Variants in MALRD1 observed in about 807,000 individuals in gnomAD.
The protein encoded by MALRD1 is MAM and LDL-receptor class A domain-containing protein 1.
MALRD1 carries 247 observed loss-of-function variants against 242.1 expected under a neutral mutation model. The ratio of observed to expected loss-of-function variants is 1.02; its 90% confidence interval spans 0.92 to 1.13. The LOEUF (loss-of-function observed/expected upper bound fraction) is 1.13, where lower values mean the gene tolerates loss of function less well. MALRD1 is among the 50% of genes most tolerant of loss of function. MALRD1 has a pLI of 0.00. For missense variants in MALRD1, 2,989 were observed against 2,533.1 expected (o/e 1.18, Z -3.86); for synonymous variants, 995 against 866.6 (o/e 1.15, Z -2.60).
chr10:19,445,155 A>G (rs1157064091), intron 28 of MALRD1, among the ~76,000 whole-genome samples: 1 of 152,116 alleles, frequency 6.6e-6, no homozygotes, highest in African/African-American at 2.4e-5. Flanking sequence ...TTTCAGCTCC[A>G]CCAGGTCATT....
chr10:19,546,236 A>T (rs952578180), intron 32 of MALRD1, among the ~76,000 whole-genome samples: 2 of 152,130 alleles, frequency 1.3e-5, no homozygotes, highest in Non-Finnish European at 2.9e-5. Context: ...CCTTCCCCTA[A>T]CAGTGAATAT....
At chr10:19,219,590 C>G (rs189096801) in intron 18 of MALRD1, among the ~76,000 whole-genome samples, 11 of 152,212 alleles carry the variant, frequency 7.2e-5, no homozygotes, top group Admixed American at 6.5e-4. Context: ...GCGTGCACCA[C>G]CACACCGGCT....
intron 18 of MALRD1, among the ~76,000 whole-genome samples, chr10:19,239,865 C>G (rs1343450034): frequency 1.3e-5 from 2 of 152,008 alleles, no homozygotes; most frequent in African/African-American, 4.8e-5. Flanking sequence ...TATGTGTTTG[C>G]TTTATGGCAG....
chr10:19,583,849 A>T (rs1042666878), intron 33 of MALRD1, among the ~76,000 whole-genome samples: 26 of 152,080 alleles, frequency 1.7e-4, no homozygotes, highest in African/African-American at 6.3e-4. Context: ...GAATCCATCT[A>T]GTCCTGGACT....
intron 4 of MALRD1, among the ~76,000 whole-genome samples, chr10:19,103,279 C>T (rs1298092228): frequency 6.6e-6 from 1 of 151,744 alleles, no homozygotes; most frequent in African/African-American, 2.4e-5. Flanking sequence ...TTTAGAGAAC[C>T]GGCCAGGTGC....
At chr10:19,674,221 C>T (rs1288503590) in intron 36 of MALRD1, among the ~76,000 whole-genome samples, 1 of 152,140 alleles carries the variant, frequency 6.6e-6, no homozygotes, top group Non-Finnish European at 1.5e-5. Flanking sequence ...AACCTCATCT[C>T]CAGTGAGTAA....
At chr10:19,528,717 T>C (rs982411693) in intron 31 of MALRD1, among the ~76,000 whole-genome samples, 3 of 152,186 alleles carry the variant, frequency 2.0e-5, no homozygotes, top group African/African-American at 4.8e-5. Flanking sequence ...TAGATGCAAG[T>C]TATTTGCATC....
intron 30 of MALRD1, among the ~76,000 whole-genome samples, chr10:19,495,053 T>C (rs532684468): frequency 6.6e-6 from 1 of 151,886 alleles, no homozygotes; most frequent in Non-Finnish European, 1.5e-5. Context: ...CTCAGCTCAC[T>C]GCAACCTCCG....
chr10:19,125,333 CTT>C (rs1177732382), intron 7 of MALRD1, among the ~76,000 whole-genome samples: 29 of 68,744 alleles, frequency 4.2e-4, no homozygotes, highest in Admixed American at 3.5e-3. Context: ...TTCTTTCTTT[CTT>C]TCTTTCTTTC....
chr10:19,491,001 A>C (rs1837469771), intron 29 of MALRD1: 1 of 185,942 alleles, frequency 5.4e-6, no homozygotes, highest in Non-Finnish European at 1.1e-5. Flanking sequence ...GTTTATGTGA[A>C]AATTCAGCAG....
intron 1 of MALRD1, among the ~76,000 whole-genome samples, chr10:19,054,712 C>T (rs539819642): frequency 5.3e-5 from 8 of 152,220 alleles, no homozygotes; most frequent in Admixed American, 2.6e-4. Context: ...CAGGTTCATT[C>T]GTGTTGTCAC....
At chr10:19,584,847 T>C (rs2131522061) in intron 33 of MALRD1, among the ~76,000 whole-genome samples, 1 of 152,026 alleles carries the variant, frequency 6.6e-6, no homozygotes, top group Non-Finnish European at 1.5e-5. Context: ...CCATTATTAA[T>C]GTGTGGGAGT....
At chr10:19,492,310 A>G (rs1837527693) in intron 30 of MALRD1, among the ~76,000 whole-genome samples, 1 of 152,166 alleles carries the variant, frequency 6.6e-6, no homozygotes, top group Admixed American at 6.5e-5. Flanking sequence ...TTGATACCAT[A>G]CCAGCTACCT....
chr10:19,511,699 G>A (rs1833407309), intron 31 of MALRD1, among the ~76,000 whole-genome samples: 1 of 152,222 alleles, frequency 6.6e-6, no homozygotes, highest in Admixed American at 6.5e-5. Context: ...TTGTTTCAGG[G>A]TGAACTAGAG....
At chr10:19,307,615 G>A (rs911593613) in intron 21 of MALRD1, among the ~76,000 whole-genome samples, 3 of 151,464 alleles carry the variant, frequency 2.0e-5, no homozygotes, top group African/African-American at 2.4e-5. Context: ...TGCATGGCAT[G>A]GCTCTTTGAG....
intron 17 of MALRD1, among the ~76,000 whole-genome samples, chr10:19,208,838 T>C (rs1236828085): frequency 6.6e-6 from 1 of 152,134 alleles, no homozygotes; most frequent in Non-Finnish European, 1.5e-5. Flanking sequence ...AATCAACACC[T>C]CTGGAGATGA....
intron 29 of MALRD1, among the ~76,000 whole-genome samples, chr10:19,457,047 TA>T (rs1835697617): frequency 6.6e-6 from 1 of 152,194 alleles, no homozygotes; most frequent in African/African-American, 2.4e-5. Flanking sequence ...TCATGGTAAC[TA>T]CTCAAGCAAT....
intron 11 of MALRD1, among the ~76,000 whole-genome samples, chr10:19,150,895 T>A (rs1290633042): frequency 6.6e-6 from 1 of 152,190 alleles, no homozygotes; most frequent in African/African-American, 2.4e-5. Flanking sequence ...AATTTATTCT[T>A]GTACACATTT....
At chr10:19,192,957 TTC>T (rs1399163633) in intron 14 of MALRD1, among the ~76,000 whole-genome samples, 1 of 152,208 alleles carries the variant, frequency 6.6e-6, no homozygotes, top group Non-Finnish European at 1.5e-5. Context: ...TTTAACATTT[TTC>T]TCTCTGGCAC....
Sources: gnomAD v4.1 joint callset for allele counts (sites outside exome capture counted in the v4.1 genomes callset) on GRCh38, gnomAD v4.1.1 for gene constraint, MANE v1.5 for transcripts, NCBI Gene and HGNC (gene_info 2026-07-23, HGNC 2026-07-21) for gene names.